FAIM: variants seen among roughly 807,000 people sequenced by gnomAD.
FAIM encodes the protein fas apoptotic inhibitory molecule 1.
Under a neutral mutation model 21.2 loss-of-function variants are expected in FAIM, and 14 were observed. The observed-to-expected ratio is 0.66, with a 90% CI of 0.44 to 1.03. The LOEUF is 1.03. FAIM is among the 50% of genes least tolerant of loss of function. The pLI is 0.00. For synonymous variants in FAIM, 86 were observed against 80.4 expected, an observed-to-expected ratio of 1.07 and a Z score of -0.37; for missense variants, 222 against 247.1, an observed-to-expected ratio of 0.90 and a Z score of 0.68.
At chr3:138,629,043 G>A in intron 4 of FAIM, 64 bp from the exon 5 acceptor site, 1 of 1,297,636 alleles carries the variant, frequency 7.7e-7, no homozygotes, top group East Asian at 2.3e-5. Context: ...TAATAAATAG[G>A]AAAAGTTAAC....
intron 1 of FAIM, chr3:138,610,829 C>G (rs922624282): frequency 1.4e-6 from 1 of 720,706 alleles, no homozygotes; most frequent in African/African-American, 1.8e-5. Flanking sequence ...GTGATCCGAC[C>G]GCCTTGACCT....
rs560309050 is a variant in FAIM at position 138,626,797 on chromosome 3, A to G, written c.407-2310A>G. On this transcript the variant is annotated intron_variant, in intron 4 of 5. Coordinates refer to ENST00000360570, the MANE Select transcript of FAIM (RefSeq NM_001033031.2). Reference sequence around the variant, plus strand: ...ATTTTGCCCATTTGCCTTCCATGGTACTTTTACCATTTTGTACCCCCGTTA... The same window carrying G: ...ATTTTGCCCATTTGCCTTCCATGGTGCTTTTACCATTTTGTACCCCCGTTA... Among the ~76,000 whole-genome samples, 57 of 152,300 alleles carry G rather than the reference A, an allele frequency of 3.7e-4. 1 individual carries two copies. Among genetic ancestry groups the G allele is most frequent in the Non-Finnish European group, 6.3e-4 (43 of 68,020 alleles).
intron 1 of FAIM, among the ~76,000 whole-genome samples, chr3:138,609,590 T>TCC (rs1560491047): frequency 1.0e-4 from 2 of 19,286 alleles, no homozygotes; most frequent in African/African-American, 2.0e-4. Flanking sequence ...TCTCTCTCTC[T>TCC]CGACTCTCTC....
At chr3:138,609,712 G>A (rs1460858580) in intron 1 of FAIM, among the ~76,000 whole-genome samples, 1 of 151,326 alleles carries the variant, frequency 6.6e-6, no homozygotes, top group African/African-American at 2.4e-5. Flanking sequence ...TTTGGACTGT[G>A]ATTTACTAAA....
chr3:138,617,139 C>T (rs936480368), intron 1 of FAIM, among the ~76,000 whole-genome samples: 1 of 151,602 alleles, frequency 6.6e-6, no homozygotes, highest in Admixed American at 6.6e-5. Flanking sequence ...TATACTTCTC[C>T]ATGAAAAGGT....
At chr3:138,612,258 G>A (rs1340960757) in intron 1 of FAIM, among the ~76,000 whole-genome samples, 2 of 151,942 alleles carry the variant, frequency 1.3e-5, no homozygotes, top group African/African-American at 4.8e-5. Context: ...CCGCCACCAC[G>A]CCTGGCTAAT....
intron 4 of FAIM, among the ~76,000 whole-genome samples, chr3:138,627,128 C>T (rs2086732824): frequency 6.6e-6 from 1 of 150,814 alleles, no homozygotes; most frequent in African/African-American, 2.4e-5. Flanking sequence ...TCATTTATTA[C>T]ATGACTTTGC....
intron 1 of FAIM, among the ~76,000 whole-genome samples, chr3:138,617,655 AAT>A (rs202079330): frequency 0.05 from 6,865 of 138,078 alleles, 524 homozygotes; most frequent in African/African-American, 0.17. Flanking sequence ...CTATATATAT[AAT>A]ATATATATAT....
intron 4 of FAIM, among the ~76,000 whole-genome samples, chr3:138,626,941 G>A (rs898855256): frequency 6.6e-6 from 1 of 152,118 alleles, no homozygotes; most frequent in Non-Finnish European, 1.5e-5. Flanking sequence ...AAGTGAGGTT[G>A]AGCATCTTAG....
At position 138,624,596 on chromosome 3, in the gene FAIM, GTTA is replaced by G. The variant is rs1471696339; in HGVS notation, c.406+2183_406+2185del. Among the ~76,000 whole-genome samples the G allele has an allele frequency of 5.3e-5, 8 of 152,260 alleles. No individual in the cohort carries two copies. In the East Asian group the frequency reaches 1.5e-3, roughly 29 times the overall value. On this transcript the variant is annotated intron_variant, in intron 4 of 5. Coordinates refer to ENST00000360570, the MANE Select transcript of FAIM (RefSeq NM_001033031.2). ...CTGAGGTAAAGGCAAAATTGCATAT[GTTA>G]TTGATATTGCTTGCACTTCTGCTTC...
chr3:138,622,157 T>C, intron 3 of FAIM, 31 bp from the exon 4 acceptor site: 1 of 1,509,914 alleles, frequency 6.6e-7, no homozygotes, highest in Non-Finnish European at 9.0e-7. Context: ...TTTCTTCCAT[T>C]TGTTTCATAT....
At chr3:138,626,432 C>T (rs1456183631) in intron 4 of FAIM, among the ~76,000 whole-genome samples, 5 of 152,266 alleles carry the variant, frequency 3.3e-5, no homozygotes, top group East Asian at 3.9e-4. Context: ...CAGATTCAAG[C>T]GAGTACACAT....
chr3:138,625,792 G>T (rs763045814), intron 4 of FAIM, among the ~76,000 whole-genome samples: 5 of 152,154 alleles, frequency 3.3e-5, no homozygotes, highest in African/African-American at 4.8e-5. Flanking sequence ...TGCCCCTGAG[G>T]AAATGGAAGC....
At chr3:138,611,021 GACTCTGCC>G in intron 1 of FAIM, 1 of 1,613,458 alleles carries the variant, frequency 6.2e-7, no homozygotes, top group Non-Finnish European at 8.5e-7. Flanking sequence ...GGTATCTCCG[GACTCTGCC>G]ACTCTGAGGT....
At chr3:138,628,622 C>G (rs918302064) in intron 4 of FAIM, among the ~76,000 whole-genome samples, 2 of 151,872 alleles carry the variant, frequency 1.3e-5, no homozygotes, top group African/African-American at 2.4e-5. Flanking sequence ...GTAGCTGGGA[C>G]TACAGGCACC....
Position 138,621,527 on chromosome 3 carries a change from T to TCTAA in FAIM, c.165_166insCTAA (p.Val56LeufsTer44), listed in dbSNP as rs1454498643. 4 of 1,612,674 alleles carry TCTAA rather than the reference T, an allele frequency of 2.5e-6. No individual in the cohort carries two copies. Among genetic ancestry groups the TCTAA allele is most frequent in the Non-Finnish European group, 3.4e-6 (4 of 1,179,584 alleles). On this transcript the variant is annotated frameshift_variant, in exon 3 of 6. Coordinates refer to ENST00000360570, the MANE Select transcript of FAIM (RefSeq NM_001033031.2). LOFTEE classifies it high-confidence loss of function. ...CTACATCAGGCAAACGAGTAGTATA[T>TCTAA]GTAGATGGAAAGGTAGGAAGAAAAT...
At chr3:138,616,956 T>C (rs1309126215) in intron 1 of FAIM, among the ~76,000 whole-genome samples, 3 of 152,176 alleles carry the variant, frequency 2.0e-5, no homozygotes, top group Admixed American at 2.0e-4. Context: ...TTGTTTATAA[T>C]CCTCTCCTGT....
chr3:138,628,481 A>ATTTAT lies in FAIM; in HGVS notation c.407-623_407-619dup, dbSNP rs1392888936. Among the ~76,000 whole-genome samples, 203 of 150,572 alleles carry ATTTAT rather than the reference A, an allele frequency of 1.3e-3. 1 individual carries two copies. Among genetic ancestry groups the ATTTAT allele is most frequent in the African/African-American group, 4.8e-3 (196 of 40,912 alleles). ...ATCCTTCTTTTTTATTTATTTATTTATTTATTTATTTATTTATTTTTGAGA... is the reference window on the plus strand; with the variant it reads ...ATCCTTCTTTTTTATTTATTTATTTATTTATTTTATTTATTTATTTATTTTTGAGA... On this transcript the variant is annotated intron_variant, in intron 4 of 5. Coordinates refer to ENST00000360570, the MANE Select transcript of FAIM (RefSeq NM_001033031.2).
In FAIM at chr3:138,632,859, G is replaced by T. The variant is rs566890360; in HGVS notation, c.457-71G>T. 3.4e-6 allele frequency: 5 copies of T among 1,450,506 alleles called. No individual in the cohort carries two copies. The East Asian group carries it at 1.2e-4, about 34-fold the overall frequency. The allele number at this position is 1,450,506 out of a possible 1,614,324, so 89.9% of individuals were successfully genotyped here. A position where few individuals can be genotyped will look rare whatever the true frequency, so the allele number is the denominator to read the frequency against. ...TTTTATTGCACTACTAGTACTTTTA[G>T]ATGGTGTGAATGCTCTAGACAGAGA... is the stretch of plus-strand genomic sequence containing the variant. On this transcript the variant is annotated intron_variant, in intron 5 of 5. Coordinates refer to ENST00000360570, the MANE Select transcript of FAIM (RefSeq NM_001033031.2).
Sources: gnomAD v4.1 joint callset for allele counts (sites outside exome capture counted in the v4.1 genomes callset) on GRCh38, gnomAD v4.1.1 for gene constraint, MANE v1.5 for transcripts, NCBI Gene and HGNC (gene_info 2026-07-23, HGNC 2026-07-21) for gene names.